Variants in PTPRS observed in about 807,000 individuals in gnomAD.
PTPRS encodes protein tyrosine phosphatase receptor type S.
Under a neutral mutation model 215.3 loss-of-function variants are expected in PTPRS, and 63 were observed. The observed-to-expected ratio is 0.29, with a 90% CI of 0.24 to 0.36. PTPRS has a LOEUF of 0.36. Ranked by LOEUF, PTPRS falls within the 10% of genes least tolerant of loss-of-function variation. The probability of loss-of-function intolerance (pLI) is 1.00; values close to 1 mark genes in which losing one functional copy is unlikely to be tolerated. For missense variants in PTPRS, 2,258 were observed against 2,825.8 expected, an observed-to-expected ratio of 0.80 and a Z score of 4.56; for synonymous variants, 1,404 against 1,191.4, an observed-to-expected ratio of 1.18 and a Z score of -3.68.
intron 13 of PTPRS, among the ~76,000 whole-genome samples, chr19:5,236,270 A>T (rs371643768): frequency 7.2e-5 from 11 of 152,180 alleles, no homozygotes; most frequent in African/African-American, 2.7e-4. Context: ...AGGTGAGCCC[A>T]TTTTACAGGT....
At chr19:5,291,061 T>C (rs1179597647) in intron 1 of PTPRS, among the ~76,000 whole-genome samples, 3 of 151,528 alleles carry the variant, frequency 2.0e-5, no homozygotes, top group Non-Finnish European at 2.9e-5. Context: ...AGGGGCTGGG[T>C]GGGGCTGGCC....
At chr19:5,281,645 G>A (rs2047858330) in intron 2 of PTPRS, among the ~76,000 whole-genome samples, 1 of 152,164 alleles carries the variant, frequency 6.6e-6, no homozygotes, top group African/African-American at 2.4e-5. Flanking sequence ...CTGGCCTCAG[G>A]AATGGTGACC....
intron 19 of PTPRS, 26 bp from the exon 20 acceptor site, chr19:5,221,279 G>C (rs991552421): frequency 6.3e-7 from 1 of 1,596,298 alleles, no homozygotes; most frequent in Non-Finnish European, 8.5e-7. Context: ...AGCTCAGCAG[G>C]GCCTGGTGGG....
At chr19:5,222,351 C>T (rs1346976962) in intron 18 of PTPRS, 131 bp from the exon 19 acceptor site, 18 of 780,606 alleles carry the variant, frequency 2.3e-5, no homozygotes, top group East Asian at 7.9e-5. Context: ...CCCATGCCCA[C>T]GGCCTTCCTG....
chr19:5,323,791 G>C (rs987359678), intron 1 of PTPRS, among the ~76,000 whole-genome samples: 9 of 152,188 alleles, frequency 5.9e-5, no homozygotes, highest in Admixed American at 2.0e-4. Flanking sequence ...GGAGGGATGG[G>C]ACCTGACTCA....
intron 1 of PTPRS, among the ~76,000 whole-genome samples, chr19:5,326,291 G>C (rs115592834): frequency 1.3e-5 from 2 of 152,014 alleles, no homozygotes; most frequent in Non-Finnish European, 2.9e-5. Flanking sequence ...CTGGGCTTAA[G>C]GCTAAAAGCC....
At chr19:5,238,165 G>A (rs1216423081) in intron 13 of PTPRS, among the ~76,000 whole-genome samples, 4 of 152,186 alleles carry the variant, frequency 2.6e-5, no homozygotes, top group African/African-American at 9.7e-5. Context: ...AGGCAGGTGA[G>A]GTGGGGAGAC....
chr19:5,334,628 C>CG (rs1027934389), intron 1 of PTPRS, among the ~76,000 whole-genome samples: 1 of 152,146 alleles, frequency 6.6e-6, no homozygotes, highest in African/African-American at 2.4e-5. Context: ...TGTGTGTGTG[C>CG]GGGGGGTGTC....
Position 5,294,991 on chromosome 19 carries a change from G to C in PTPRS, c.-94-8757C>G, listed in dbSNP as rs954683162. ...ACCAAAGGCACACAGGAGGTTCCCT[G>C]TGTCAATGTAGGCGTAGGAGCAACC... On this transcript the variant is annotated intron_variant, in intron 1 of 37. Coordinates refer to ENST00000262963, the MANE Select transcript of PTPRS (RefSeq NM_002850.4). The surrounding 1 kb of genome is among the most constrained non-coding windows in gnomAD (Gnocchi z 5.1). Among the ~76,000 whole-genome samples, 1 of 152,188 alleles carries C rather than the reference G, an allele frequency of 6.6e-6. No homozygotes were observed. Among genetic ancestry groups the C allele is most frequent in the African/African-American group, 2.4e-5 (1 of 41,446 alleles).
intron 16 of PTPRS, among the ~76,000 whole-genome samples, chr19:5,227,055 T>C (rs900928956): frequency 2.0e-5 from 3 of 151,926 alleles, no homozygotes; most frequent in African/African-American, 7.3e-5. Context: ...TTTTTACTCT[T>C]TTATCTTATT....
At chr19:5,301,624 AT>A (rs2049307311) in intron 1 of PTPRS, among the ~76,000 whole-genome samples, 1 of 151,858 alleles carries the variant, frequency 6.6e-6, no homozygotes. Context: ...CTGTAAATGC[AT>A]TTAATGGATC....
intron 1 of PTPRS, among the ~76,000 whole-genome samples, chr19:5,324,713 T>C (rs1461588047): frequency 6.6e-6 from 1 of 152,204 alleles, no homozygotes; most frequent in African/African-American, 2.4e-5. Flanking sequence ...TCGGTTTCCT[T>C]ATCTGCGAAA....
chr19:5,266,313 C>T (rs1159108094), intron 4 of PTPRS, among the ~76,000 whole-genome samples: 2 of 151,940 alleles, frequency 1.3e-5, no homozygotes, highest in Non-Finnish European at 2.9e-5. Context: ...GAGATAGGGT[C>T]TCACCATGTT....
At chr19:5,269,531 G>A (rs939822199) in intron 4 of PTPRS, among the ~76,000 whole-genome samples, 4 of 152,092 alleles carry the variant, frequency 2.6e-5, no homozygotes, top group Non-Finnish European at 5.9e-5. Context: ...GGCAAGGTGG[G>A]TGGGATCGGG....
intron 2 of PTPRS, among the ~76,000 whole-genome samples, chr19:5,275,530 G>A (rs115153124): frequency 6.9e-4 from 104 of 151,818 alleles, no homozygotes; most frequent in African/African-American, 2.3e-3. Flanking sequence ...GGGACTACAG[G>A]TGAAGGCCAT....
Position 5,229,361 on chromosome 19 carries a change from G to C in PTPRS, c.2350-19C>G. The C allele has an allele frequency of 2.2e-6, 3 of 1,374,892 alleles. No individual in the cohort carries two copies. Among genetic ancestry groups the C allele is most frequent in the Non-Finnish European group, 2.8e-6 (3 of 1,059,026 alleles). 85.2% of individuals were successfully genotyped at this position (1,374,892 alleles called of 1,614,324 possible). A position where few individuals can be genotyped will look rare whatever the true frequency, so the allele number is the denominator to read the frequency against. ...TCTCCCACTGAGCGCGGGAGGAGGC[G>C]GCAGGGGAGAGAGGAGGAAGGTGAG... On this transcript the variant is annotated intron_variant, in intron 15 of 37. Transcript: ENST00000262963.
chr19:5,221,378 A>C, intron 19 of PTPRS, 125 bp from the exon 20 acceptor site: 1 of 1,287,912 alleles, frequency 7.8e-7, no homozygotes, highest in Non-Finnish European at 1.0e-6. Context: ...CTAGGCAGAA[A>C]TCTAACACTG....
intron 1 of PTPRS, among the ~76,000 whole-genome samples, chr19:5,320,570 C>T (rs1332744652): frequency 2.6e-5 from 4 of 152,186 alleles, no homozygotes; most frequent in South Asian, 2.1e-4. Flanking sequence ...TACAGGTGCA[C>T]GCCACCATGC....
At chr19:5,222,097 C>T in intron 19 of PTPRS, 26 bp downstream of exon 19, 3 of 1,589,854 alleles carry the variant, frequency 1.9e-6, no homozygotes, top group Non-Finnish European at 1.7e-6. Flanking sequence ...TGCCTGCCTG[C>T]CTGCCTGCTG....
Sources: allele counts gnomAD v4.1 joint callset (sites outside exome capture counted in the v4.1 genomes callset), GRCh38; gene constraint gnomAD v4.1.1; non-coding constraint Gnocchi (gnomAD v3.1); transcripts MANE v1.5; gene names NCBI Gene and HGNC (gene_info 2026-07-23, HGNC 2026-07-21).